The following CACNB1 variants were observed in gnomAD, a reference collection of about 807,000 sequenced individuals.
CACNB1 encodes the protein calcium voltage-gated channel auxiliary subunit beta 1.
In CACNB1, 29 loss-of-function variants were observed where a neutral mutation model predicts 71.6. That is an observed-to-expected ratio of 0.40 (90% CI 0.30 to 0.55). CACNB1 has a LOEUF of 0.55. CACNB1 is among the 20% of genes least tolerant of loss of function. The pLI is 0.38. For missense variants in CACNB1, 623 were observed against 801.8 expected (o/e 0.78, Z 2.69); for synonymous variants, 300 against 319.6 (o/e 0.94, Z 0.65).
chr17:39,187,073 C>A, intron 4 of CACNB1, 144 bp from the exon 5 acceptor site: 1 of 826,568 alleles, frequency 1.2e-6, no homozygotes, highest in Non-Finnish European at 1.9e-6. Context: ...TGGCTCCAGC[C>A]TCTGAGTGGA....
rs903773815 is a variant in CACNB1, at chr17:39,175,371, G to A, written c.1619C>T (p.Thr540Met). The A allele has an allele frequency of 1.1e-5, 17 of 1,613,942 alleles. No individual in the cohort carries two copies. Among genetic ancestry groups the A allele is most frequent in the Admixed American group, 3.3e-5 (2 of 59,998 alleles). ...CCAGGATCCCTGTCGGGCTGGGGGC[G>A]TGCCGCCCCCTGCAGGGTCTCCAAG... ...PGLGDPAGGG[T>M]PPARQGSWED... Residue 540 changes from threonine to methionine, a missense_variant, in exon 14 of 14, where the codon ACG becomes ATG. Coordinates refer to ENST00000394303, the MANE Select transcript of CACNB1 (RefSeq NM_000723.5). The surrounding 1 kb of genome is among the most constrained non-coding windows in gnomAD (Gnocchi z 4.7).
intron 3 of CACNB1, among the ~76,000 whole-genome samples, chr17:39,188,586 T>G (rs1398290551): frequency 6.6e-6 from 1 of 151,722 alleles, no homozygotes. Context: ...AAAAAAAATG[T>G]ATACTGAATT....
chr17:39,182,912 T>C (rs2045814241), intron 11 of CACNB1: 2 of 966,714 alleles, frequency 2.1e-6, no homozygotes, highest in Non-Finnish European at 2.5e-6. Context: ...AATCAATACG[T>C]AAACCAATCA....
intron 4 of CACNB1, chr17:39,187,261 G>T: frequency 1.6e-6 from 1 of 624,308 alleles, no homozygotes; most frequent in Non-Finnish European, 2.8e-6. Flanking sequence ...TGCCAGTTCA[G>T]GCCCCCTAAC....
In CACNB1 at chr17:39,179,884, G is replaced by A. The variant is rs578137390; in HGVS notation, c.1051-1805C>T. ...ACATCATGCCACTGCACTCCAGCCT[G>A]GGCGACAGAACAAGACTCTGTCTAA... On this transcript the variant is annotated intron_variant, in intron 11 of 13. Transcript: ENST00000394303. Among the ~76,000 whole-genome samples, 3 of 152,228 alleles carry A rather than the reference G, an allele frequency of 2.0e-5. No homozygotes were observed. The East Asian group carries it at 5.8e-4, about 29-fold the overall frequency.
At chr17:39,188,975 G>A (rs1343445434) in intron 3 of CACNB1, among the ~76,000 whole-genome samples, 7 of 150,996 alleles carry the variant, frequency 4.6e-5, no homozygotes, top group South Asian at 2.1e-4. Context: ...TCTGGGAGGT[G>A]GAGGTTGCAG....
chr17:39,186,562 C>T lies in CACNB1; in HGVS notation c.562G>A (p.Asp188Asn), dbSNP rs765258268. 5.6e-6 allele frequency: 9 copies of T among 1,613,572 alleles called. No individual in the cohort carries two copies. The highest frequency in any genetic ancestry group is 2.2e-5 in the East Asian group (1 of 44,874). Residue 188 changes from aspartate to asparagine, a missense_variant, in exon 6 of 14, where the codon GAT becomes AAT. Coordinates refer to ENST00000394303, the MANE Select transcript of CACNB1 (RefSeq NM_000723.5). This position sits in a 1 kb window ranked among gnomAD's most constrained non-coding sequence, Gnocchi z 4.1. ...QNRLGSSKSG[D>N]NSSSSLGDVV... Reference sequence around the variant, plus strand: ...TCTCCCAGACTGGAACTGGAGTTATCGCCTGATTTGCTGTGTGGGCAGAGG... The same window carrying T: ...TCTCCCAGACTGGAACTGGAGTTATTGCCTGATTTGCTGTGTGGGCAGAGG...
Position 39,197,451 on chromosome 17 carries a change from G to A in CACNB1, c.45C>T (p.Ser15=), listed in dbSNP as rs2046225217. The A allele has an allele frequency of 6.7e-7, 1 of 1,484,964 alleles. No homozygotes were observed. The highest frequency in any genetic ancestry group is 8.9e-7 in the Non-Finnish European group (1 of 1,122,212). 92.0% of individuals were successfully genotyped at this position (1,484,964 alleles called of 1,614,324 possible). Residue 15 remains serine, a synonymous_variant, in exon 1 of 14, where the codon TCC becomes TCT. Coordinates refer to ENST00000394303, the MANE Select transcript of CACNB1 (RefSeq NM_000723.5). ...CGAAGACCTCCATGGGGATCTCCTG[G>A]GAGGGTGGGTAAGGGCCCCGGGACA... ...TSMSRGPYPP[S]QEIPMEVFDP... is the part of the protein sequence containing the mutation.
intron 3 of CACNB1, among the ~76,000 whole-genome samples, chr17:39,188,133 A>T (rs2045985128): frequency 6.6e-6 from 1 of 152,142 alleles, no homozygotes; most frequent in South Asian, 2.1e-4. Context: ...ATACAAAAAA[A>T]TTAGCTGGGC....
intron 6 of CACNB1, chr17:39,185,801 C>G (rs543809104): frequency 4.4e-5 from 35 of 790,644 alleles, no homozygotes; most frequent in Non-Finnish European, 6.7e-5. Flanking sequence ...GGGGATGTGC[C>G]CATGCTACCC....
intron 1 of CACNB1, among the ~76,000 whole-genome samples, chr17:39,196,366 G>A (rs1427786451): frequency 1.3e-5 from 2 of 152,140 alleles, no homozygotes; most frequent in African/African-American, 4.8e-5. Context: ...GGCAAAGGGA[G>A]TGGCACTCAG....
rs985068283 is a variant in CACNB1, at chr17:39,192,919, A to G, written c.172-1326T>C. The G allele has an allele frequency of 7.2e-5, 11 of 152,742 alleles. 1 individual carries two copies. The highest frequency in any genetic ancestry group is 7.2e-4 in the Admixed American group (11 of 15,320). 9.5% of individuals were successfully genotyped at this position (152,742 alleles called of 1,614,324 possible). A position where few individuals can be genotyped will look rare whatever the true frequency, so the allele number is the denominator to read the frequency against. On this transcript the variant is annotated intron_variant, in intron 2 of 13. Coordinates refer to ENST00000394303, the MANE Select transcript of CACNB1 (RefSeq NM_000723.5). ...AGAAGTGGGGAAAGAGGCATGAAGG[A>G]GAGAAGGAGAGAAAACCAGCGTAGC...
At position 39,173,465 on chromosome 17, in the gene CACNB1, T is replaced by C. The variant is rs545572830; in HGVS notation, c.*1728A>G. ...TGATGCCACAAGAGCAGAAAAACAG[T>C]CATGTGTATTTAAGACATTGCACCA... On this transcript the variant is annotated 3_prime_UTR_variant, in exon 14 of 14. Transcript: ENST00000394303. The C allele has an allele frequency of 6.6e-6, 1 of 152,374 alleles. No individual in the cohort carries two copies. Among genetic ancestry groups the C allele is most frequent in the African/African-American group, 2.4e-5 (1 of 41,542 alleles). The allele number at this position is 152,374 out of a possible 1,614,324, so 9.4% of individuals were successfully genotyped here.
intron 3 of CACNB1, among the ~76,000 whole-genome samples, chr17:39,189,385 T>A (rs2046018214): frequency 1.3e-5 from 2 of 148,312 alleles, no homozygotes; most frequent in Non-Finnish European, 3.0e-5. Context: ...AATAAAATAA[T>A]AATAATAATA....
chr17:39,191,754 A>G, intron 2 of CACNB1, 161 bp from the exon 3 acceptor site: 1 of 645,200 alleles, frequency 1.5e-6, no homozygotes, highest in Admixed American at 3.7e-5. Context: ...GGAAGGGACC[A>G]GGAGCTGAGA....
chr17:39,184,854 A>T lies in CACNB1; in HGVS notation c.659T>A (p.Val220Glu), dbSNP rs1178842214. The T allele has an allele frequency of 7.3e-7, 1 of 1,369,652 alleles. No individual in the cohort carries two copies. Among genetic ancestry groups the T allele is most frequent in the East Asian group, 2.4e-5 (1 of 41,688 alleles). 84.8% of individuals were successfully genotyped at this position (1,369,652 alleles called of 1,614,324 possible). A position where few individuals can be genotyped will look rare whatever the true frequency, so the allele number is the denominator to read the frequency against. The change falls in exon 8 of 14, where the codon GTG becomes GAG. Residue 220 changes from valine to glutamate, a missense_variant. Val to Glu is a moderately radical substitution (Grantham distance 121, BLOSUM62 -2). Transcript: ENST00000394303. Reference sequence around the variant, plus strand: ...GGAAGGCACCACGTCATAGGGGGGCACATGCTCTGTCTGGGGGGGGAAGCA... The same window carrying T: ...GGAAGGCACCACGTCATAGGGGGGCTCATGCTCTGTCTGGGGGGGGAAGCA... Reference protein sequence around the residue: ...AKQKQKSTEHVPPYDVVPSMR... With the variant: ...AKQKQKSTEHEPPYDVVPSMR...
At chr17:39,181,904 T>C (rs1262393845) in intron 11 of CACNB1, among the ~76,000 whole-genome samples, 1 of 152,030 alleles carries the variant, frequency 6.6e-6, no homozygotes, top group Non-Finnish European at 1.5e-5. Context: ...GGCTCACACC[T>C]GTAATCCTAG....
intron 13 of CACNB1, among the ~76,000 whole-genome samples, chr17:39,176,505 CA>C (rs918051142): frequency 2.0e-5 from 3 of 152,188 alleles, no homozygotes; most frequent in Non-Finnish European, 4.4e-5. Flanking sequence ...AGAAGTGCTT[CA>C]GGGGTCCCCA....
rs1156599944 is a variant in CACNB1 at position 39,183,695 on chromosome 17, T to G, written c.1050+18A>C. 6.4e-7 allele frequency: 1 copy of G among 1,567,184 alleles called. No homozygotes were observed. On this transcript the variant is annotated intron_variant, in intron 11 of 13. Transcript: ENST00000394303. ...TCAAACCACGCTGTCCTGGCCAGGG[T>G]CAGGCTCCTGCACCCACCTTGGGAG...
Sources: gnomAD v4.1 joint callset for allele counts (sites outside exome capture counted in the v4.1 genomes callset) on GRCh38, gnomAD v4.1.1 for gene constraint, Gnocchi (gnomAD v3.1) non-coding constraint, MANE v1.5 for transcripts, NCBI Gene and HGNC (gene_info 2026-07-23, HGNC 2026-07-21) for gene names.